The following ZBTB20 variants were observed in gnomAD, a reference collection of about 807,000 sequenced individuals.
ZBTB20 encodes zinc finger and BTB domain containing 20.
ZBTB20 carries 9 observed loss-of-function variants against 56.9 expected under a neutral mutation model. That is an observed-to-expected ratio of 0.16 (90% confidence interval 0.10 to 0.28). The LOEUF (loss-of-function observed/expected upper bound fraction) is 0.28, where lower values mean the gene tolerates loss of function less well. ZBTB20 is among the 10% of genes least tolerant of loss of function. The probability of loss-of-function intolerance (pLI) is 1.00; values close to 1 mark genes in which losing one functional copy is unlikely to be tolerated. For synonymous variants in ZBTB20, 417 were observed against 420.7 expected (o/e 0.99, Z 0.11); for missense variants, 655 against 1,003.0 (o/e 0.65, Z 4.69).
intron 3 of ZBTB20, among the ~76,000 whole-genome samples, chr3:114,902,676 A>G (rs1328141678): frequency 6.6e-6 from 1 of 152,160 alleles, no homozygotes; most frequent in Non-Finnish European, 1.5e-5. Flanking sequence ...TAGGAGATTA[A>G]GTATGAAGGA....
intron 7 of ZBTB20, among the ~76,000 whole-genome samples, chr3:114,422,764 C>T (rs1009969875): frequency 1.3e-5 from 2 of 152,070 alleles, no homozygotes; most frequent in Non-Finnish European, 2.9e-5. Context: ...CCTTACAGAG[C>T]CTCAATTTTT....
intron 2 of ZBTB20, among the ~76,000 whole-genome samples, chr3:115,002,860 T>C (rs1029318972): frequency 1.3e-5 from 2 of 151,648 alleles, no homozygotes; most frequent in Middle Eastern, 3.2e-3. Context: ...TACACATAAA[T>C]GTTTATAGCA....
At chr3:114,829,097 T>C (rs948709230) in intron 4 of ZBTB20, among the ~76,000 whole-genome samples, 3 of 151,804 alleles carry the variant, frequency 2.0e-5, no homozygotes, top group South Asian at 4.1e-4. Context: ...GCTCTTAAAC[T>C]GTATGGTGCT....
At chr3:114,380,157 C>A in intron 10 of ZBTB20, 60 bp downstream of exon 10, 3 of 1,417,844 alleles carry the variant, frequency 2.1e-6, no homozygotes, top group South Asian at 1.6e-5. Context: ...AGCCAGAACC[C>A]AGGGTAGAAG....
At chr3:114,874,362 G>T (rs1385758307) in intron 4 of ZBTB20, among the ~76,000 whole-genome samples, 1 of 152,128 alleles carries the variant, frequency 6.6e-6, no homozygotes, top group African/African-American at 2.4e-5. Flanking sequence ...AGAACAGGAG[G>T]ACAGAATACA....
intron 3 of ZBTB20, among the ~76,000 whole-genome samples, chr3:114,928,658 AC>A (rs1685011063): frequency 6.6e-6 from 1 of 152,248 alleles, no homozygotes; most frequent in South Asian, 2.1e-4. Context: ...ATGTTGTCTT[AC>A]CTACAGAGTT....
chr3:114,442,964 T>G (rs954550643), intron 7 of ZBTB20, among the ~76,000 whole-genome samples: 3 of 152,146 alleles, frequency 2.0e-5, no homozygotes, highest in Non-Finnish European at 4.4e-5. Context: ...ACCATTGACC[T>G]CATTAATACA....
chr3:114,560,439 A>C (rs1419372957), intron 6 of ZBTB20, among the ~76,000 whole-genome samples: 2 of 152,124 alleles, frequency 1.3e-5, no homozygotes, highest in East Asian at 3.9e-4. Flanking sequence ...TATGTCCATG[A>C]ATTAGGTATT....
chr3:114,580,196 G>A (rs1167602561), intron 6 of ZBTB20, among the ~76,000 whole-genome samples: 1 of 151,466 alleles, frequency 6.6e-6, no homozygotes, highest in Non-Finnish European at 1.5e-5. Flanking sequence ...TATAAGAACT[G>A]TTTAATATCA....
chr3:114,839,463 G>GAAAGAAAGAAAGAAA (rs1553842174), intron 4 of ZBTB20, among the ~76,000 whole-genome samples: 2 of 149,138 alleles, frequency 1.3e-5, no homozygotes, highest in African/African-American at 4.9e-5. Flanking sequence ...AAGAAAGAAA[G>GAAAGAAAGAAAGAAA]AAAGAGAGAG....
At chr3:114,362,089 C>A (rs558722331) in intron 10 of ZBTB20, among the ~76,000 whole-genome samples, 6 of 152,182 alleles carry the variant, frequency 3.9e-5, no homozygotes, top group Admixed American at 6.5e-5. Context: ...GTATTTCTTG[C>A]GAATTTGGTG....
At position 114,409,455 on chromosome 3, in the gene ZBTB20, G is replaced by A. The variant is rs567589023; in HGVS notation, c.-254-20350C>T. ...CATTTTAATACACCACTGATTAAACGGTATGTTCATGGCTGAAGGCACTAC... is the reference window on the plus strand; with the variant it reads ...CATTTTAATACACCACTGATTAAACAGTATGTTCATGGCTGAAGGCACTAC... On this transcript the variant is annotated intron_variant, in intron 7 of 11. Coordinates refer to ENST00000675478, the MANE Select transcript of ZBTB20 (RefSeq NM_001348800.3). Among the ~76,000 whole-genome samples the A allele has an allele frequency of 6.6e-5, 10 of 151,860 alleles. No individual in the cohort carries two copies. In the South Asian group the frequency reaches 1.7e-3, roughly 25 times the overall value.
chr3:115,144,615 G>A (rs950962375), intron 1 of ZBTB20, among the ~76,000 whole-genome samples: 5 of 151,918 alleles, frequency 3.3e-5, no homozygotes, highest in Non-Finnish European at 7.4e-5. Context: ...CTTTCCTCTA[G>A]TATTCCATTT....
intron 5 of ZBTB20, among the ~76,000 whole-genome samples, chr3:114,705,543 A>G (rs2063666723): frequency 6.6e-6 from 1 of 152,226 alleles, no homozygotes; most frequent in South Asian, 2.1e-4. Flanking sequence ...AAAGGAAGAA[A>G]GACCCACACC....
intron 8 of ZBTB20, among the ~76,000 whole-genome samples, chr3:114,384,450 A>G (rs932786499): frequency 6.6e-6 from 1 of 151,422 alleles, no homozygotes; most frequent in Non-Finnish European, 1.5e-5. Flanking sequence ...ACACTGGTGG[A>G]GCTCTGCATT....
chr3:114,649,763 C>A (rs764038639), intron 6 of ZBTB20, among the ~76,000 whole-genome samples: 1 of 151,888 alleles, frequency 6.6e-6, no homozygotes, highest in East Asian at 1.9e-4. Flanking sequence ...TTTAAATTTA[C>A]ACTAGGTAAA....
At chr3:114,525,667 T>C (rs2047138282) in intron 6 of ZBTB20, among the ~76,000 whole-genome samples, 1 of 152,182 alleles carries the variant, frequency 6.6e-6, no homozygotes, top group Non-Finnish European at 1.5e-5. Context: ...TTAAAATAGG[T>C]TTATTTTTGG....
chr3:114,368,550 T>G (rs766721185), intron 10 of ZBTB20, among the ~76,000 whole-genome samples: 22 of 152,222 alleles, frequency 1.4e-4, no homozygotes, highest in Non-Finnish European at 2.8e-4. Context: ...GGATATGTCC[T>G]GGGGAAGTGG....
At chr3:114,740,373 T>C (rs1292063030) in intron 5 of ZBTB20, among the ~76,000 whole-genome samples, 2 of 152,192 alleles carry the variant, frequency 1.3e-5, no homozygotes, top group Admixed American at 6.5e-5. Flanking sequence ...ATCGACCAGA[T>C]TGTTTGAAAA....
Sources: gnomAD v4.1 joint callset for allele counts (sites outside exome capture counted in the v4.1 genomes callset) on GRCh38, gnomAD v4.1.1 for gene constraint, MANE v1.5 for transcripts, NCBI Gene and HGNC (gene_info 2026-07-23, HGNC 2026-07-21) for gene names.